ZNF208: variants seen among roughly 807,000 people sequenced by gnomAD.
ZNF208 encodes the protein zinc finger protein 208, also known as zinc finger protein 95.
In ZNF208, 10 loss-of-function variants were observed where a neutral mutation model predicts 12.1. That is an observed-to-expected ratio of 0.83 (90% CI 0.51 to 1.40). The LOEUF (loss-of-function observed/expected upper bound fraction) is 1.40. Among genes scored for constraint, ZNF208 ranks in the 40% most tolerant of loss-of-function variants. The probability of loss-of-function intolerance (pLI) is 0.00; values close to 1 mark genes in which losing one functional copy is unlikely to be tolerated. For missense variants in ZNF208, 1,652 were observed against 1,485.0 expected, an observed-to-expected ratio of 1.11 and a Z score of -1.85; for synonymous variants, 497 against 488.4, an observed-to-expected ratio of 1.02 and a Z score of -0.23.
At chr19:21,949,282 G>A (rs73015578) in intron 4 of ZNF208, among the ~76,000 whole-genome samples, 19,198 of 152,140 alleles carry the variant, frequency 0.13, 1,450 homozygotes, top group Admixed American at 0.21. Flanking sequence ...GAGGTCTCAG[G>A]AAGGCACTAA....
At chr19:21,945,535 C>T (rs1969803071) in intron 4 of ZNF208, among the ~76,000 whole-genome samples, 2 of 152,078 alleles carry the variant, frequency 1.3e-5, no homozygotes, top group Admixed American at 6.6e-5. Flanking sequence ...ATTTAAATGA[C>T]CACAAAATAA....
intron 1 of ZNF208, among the ~76,000 whole-genome samples, chr19:21,999,849 G>A (rs1041715493): frequency 2.5e-4 from 38 of 152,088 alleles, no homozygotes; most frequent in African/African-American, 9.2e-4. Flanking sequence ...ATAAAAATCA[G>A]CAAGTTATCC....
chr19:21,999,371 C>A (rs1013934235), intron 1 of ZNF208, among the ~76,000 whole-genome samples: 1 of 152,098 alleles, frequency 6.6e-6, no homozygotes, highest in African/African-American at 2.4e-5. Context: ...TATATGAATG[C>A]AGGTTGTCTA....
At chr19:21,955,036 A>C (rs1027276638) in intron 4 of ZNF208, among the ~76,000 whole-genome samples, 1 of 152,202 alleles carries the variant, frequency 6.6e-6, no homozygotes, top group Non-Finnish European at 1.5e-5. Context: ...GGTGGTGACA[A>C]AATCTCTCAG....
At chr19:21,948,748 C>G (rs1054226712) in intron 4 of ZNF208, among the ~76,000 whole-genome samples, 10 of 151,496 alleles carry the variant, frequency 6.6e-5, no homozygotes, top group Admixed American at 6.6e-4. Flanking sequence ...GCTTTTAAGC[C>G]AAACCCTAAC....
At chr19:21,982,223 T>C (rs1248345530) in intron 3 of ZNF208, among the ~76,000 whole-genome samples, 1 of 151,888 alleles carries the variant, frequency 6.6e-6, no homozygotes, top group African/African-American at 2.4e-5. Context: ...CCGGGCATGG[T>C]GGCAGGCGCC....
intron 1 of ZNF208, among the ~76,000 whole-genome samples, chr19:22,006,963 A>G (rs1971055535): frequency 1.3e-5 from 2 of 152,196 alleles, no homozygotes; most frequent in Admixed American, 1.3e-4. Context: ...ACCAAGTTTC[A>G]TGACATAAAA....
chr19:21,964,256 T>C (rs535545691), downstream of ZNF208, among the ~76,000 whole-genome samples: 1 of 151,872 alleles, frequency 6.6e-6, no homozygotes, highest in African/African-American at 2.4e-5. Flanking sequence ...TTATTTCAAA[T>C]GGCTTGCTCA....
intron 1 of ZNF208, among the ~76,000 whole-genome samples, chr19:22,006,476 G>T (rs964099065): frequency 6.6e-6 from 1 of 151,992 alleles, no homozygotes; most frequent in African/African-American, 2.4e-5. Context: ...TCAGTTTAGG[G>T]TTAGGTTTAG....
chr19:21,984,429 T>C (rs1970598503), intron 3 of ZNF208, among the ~76,000 whole-genome samples: 1 of 152,188 alleles, frequency 6.6e-6, no homozygotes, highest in South Asian at 2.1e-4. Flanking sequence ...GGCACGCACC[T>C]GTAGTCCCAG....
At chr19:22,010,228 C>T (rs1568460126) in intron 1 of ZNF208, among the ~76,000 whole-genome samples, 1 of 152,100 alleles carries the variant, frequency 6.6e-6, no homozygotes, top group East Asian at 1.9e-4. Flanking sequence ...AACTACGTAA[C>T]TGTACCTAAC....
intron 4 of ZNF208, among the ~76,000 whole-genome samples, chr19:21,960,724 G>T (rs1271471955): frequency 6.6e-6 from 1 of 152,156 alleles, no homozygotes; most frequent in Non-Finnish European, 1.5e-5. Context: ...GCCACAACCA[G>T]AAAGTCTTTG....
Position 21,973,409 on chromosome 19 carries a change from T to A in ZNF208, c.1625A>T (p.Lys542Ile). The A allele has an allele frequency of 6.2e-7, 1 of 1,612,074 alleles. No homozygotes were observed. The highest frequency in any genetic ancestry group is 8.5e-7 in the Non-Finnish European group (1 of 1,179,804). ...KSFSTFSILT[K>I]HKVIHTGEKP... Reference sequence around the variant, plus strand: ...CTCTCCAGTATGAATTACCTTATGTTTAGTAAGGATTGAGAATGTACTGAA... The same window carrying A: ...CTCTCCAGTATGAATTACCTTATGTATAGTAAGGATTGAGAATGTACTGAA... Residue 542 changes from lysine (K) to isoleucine (I), a missense_variant, in exon 4 of 4, where the codon AAA (lysine) becomes ATA (isoleucine). By Grantham distance (102) the Lys-to-Ile change is moderately radical. Transcript: ENST00000397126.
chr19:21,948,645 C>T (rs1969848049), intron 4 of ZNF208, among the ~76,000 whole-genome samples: 1 of 152,084 alleles, frequency 6.6e-6, no homozygotes, highest in Non-Finnish European at 1.5e-5. Context: ...ATAAAGTGAG[C>T]CCCAGGAAAG....
Position 21,972,418 on chromosome 19 carries a change from C to G in ZNF208, c.2616G>C (p.Trp872Cys). 3.1e-6 allele frequency: 5 copies of G among 1,611,472 alleles called. No individual in the cohort carries two copies. Among genetic ancestry groups the G allele is most frequent in the Non-Finnish European group, 4.2e-6 (5 of 1,179,074 alleles). The stretch of plus-strand genomic sequence containing the variant: ...TCTTATGATAACTAAGGGTTGAGGG[C>G]CATTTATAGGCTTTGCCACATTCTT... ...KCEECGKAYK[W>C]PSTLSYHKKI... The change falls in exon 4 of 4, where the codon TGG becomes TGC. Residue 872 changes from tryptophan to cysteine, a missense_variant. By Grantham distance (215) the Trp-to-Cys change is radical. Coordinates refer to ENST00000397126, the MANE Select transcript of ZNF208 (RefSeq NM_007153.3).
In ZNF208 at chr19:21,969,301, A is replaced by G. The variant is rs1970233958; in HGVS notation, c.*1890T>C. 6.6e-6 allele frequency among the ~76,000 whole-genome samples: 1 copy of G among 152,048 alleles called. No homozygotes were observed. Among genetic ancestry groups the G allele is most frequent in the African/African-American group, 2.4e-5 (1 of 41,450 alleles). On this transcript the variant is annotated 3_prime_UTR_variant, in exon 4 of 4. Transcript: ENST00000397126. Reference sequence around the variant, plus strand: ...GGAAAAAAAAAAAATCTGTGTTTTGAAGAAAAAAGTATACTTTAAATTTAA... The same window carrying G: ...GGAAAAAAAAAAAATCTGTGTTTTGGAGAAAAAAGTATACTTTAAATTTAA...
Position 21,970,660 on chromosome 19 carries a change from T to A in ZNF208, c.*531A>T, listed in dbSNP as rs185187291. 4.1e-5 allele frequency: 43 copies of A among 1,047,386 alleles called. No individual in the cohort carries two copies. The African/African-American group carries it at 6.6e-4, about 16-fold the overall frequency. The allele number at this position is 1,047,386 out of a possible 1,614,324, so 64.9% of individuals were successfully genotyped here. A position where few individuals can be genotyped will look rare whatever the true frequency, so the allele number is the denominator to read the frequency against. On this transcript the variant is annotated 3_prime_UTR_variant, in exon 4 of 4. Coordinates refer to ENST00000397126, the MANE Select transcript of ZNF208 (RefSeq NM_007153.3). ...ATGTTCCATAAGGTTTGAGGACTGG[T>A]TGAAGCCTTTGCCACATTCTTCTCA...
At chr19:22,004,828 G>A (rs1971018105) in intron 1 of ZNF208, among the ~76,000 whole-genome samples, 1 of 152,212 alleles carries the variant, frequency 6.6e-6, no homozygotes, top group African/African-American at 2.4e-5. Flanking sequence ...TAGTACTGCA[G>A]TGACAAAATA....
rs765455957 is a variant in ZNF208, at chr19:21,974,417, C to A, written c.617G>T (p.Gly206Val). The A allele has an allele frequency of 6.2e-7, 1 of 1,613,814 alleles. No individual in the cohort carries two copies. The highest frequency in any genetic ancestry group is 8.5e-7 in the Non-Finnish European group (1 of 1,179,826). ...TRENSYKCEE[G>V]GKAFNWSSTL... Reference sequence around the variant, plus strand: ...TGAGGACCAGTTAAAAGCTTTGCCACCTTCTTCACATTTGTAGGAATTCTC... The same window carrying A: ...TGAGGACCAGTTAAAAGCTTTGCCAACTTCTTCACATTTGTAGGAATTCTC... Residue 206 changes from glycine to valine, a missense_variant, in exon 4 of 4, where the codon GGT becomes GTT. Gly to Val is a moderately radical substitution (Grantham distance 109). Around this residue, in one of 3 missense-constraint regions of ZNF208, gnomAD observed 410 missense variants for 378.2 expected, o/e 1.08. Transcript: ENST00000397126.
Sources: allele counts gnomAD v4.1 joint callset (sites outside exome capture counted in the v4.1 genomes callset), GRCh38; gene constraint gnomAD v4.1.1; regional missense constraint gnomAD v4.1.1; transcripts MANE v1.5; gene names NCBI Gene and HGNC (gene_info 2026-07-23, HGNC 2026-07-21).